Variants in EHMT1 observed in about 807,000 individuals in gnomAD.
EHMT1 encodes the protein euchromatic histone lysine methyltransferase 1.
A neutral mutation model predicts 147.2 loss-of-function variants in EHMT1; 15 were observed. That is an observed-to-expected ratio of 0.10 (90% CI 0.07 to 0.16). The LOEUF (loss-of-function observed/expected upper bound fraction) is 0.16. Among genes scored for constraint, EHMT1 ranks in the 10% least tolerant of loss-of-function variants. The probability of loss-of-function intolerance (pLI) is 1.00; values close to 1 mark genes in which losing one functional copy is unlikely to be tolerated. For missense variants in EHMT1, 1,587 were observed against 1,772.4 expected (o/e 0.90, Z 1.88); for synonymous variants, 795 against 709.6 (o/e 1.12, Z -1.91).
intron 4 of EHMT1, among the ~76,000 whole-genome samples, chr9:137,742,373 A>G (rs1948177176): frequency 6.7e-6 from 1 of 148,178 alleles, no homozygotes; most frequent in Admixed American, 6.8e-5. Flanking sequence ...GCTGGGCTTG[A>G]ACTCCTGGAA....
chr9:137,759,549 A>C (rs1231667413), intron 9 of EHMT1, among the ~76,000 whole-genome samples: 2 of 152,200 alleles, frequency 1.3e-5, no homozygotes, highest in African/African-American at 4.8e-5. Flanking sequence ...ATCAGGGCCA[A>C]AGGGCGAGAG....
chr9:137,689,920 C>T (rs1052206068), intron 1 of EHMT1, among the ~76,000 whole-genome samples: 2 of 152,134 alleles, frequency 1.3e-5, no homozygotes, highest in Admixed American at 6.5e-5. Context: ...GTGGAGTAGA[C>T]GCGTGGAGAT....
At position 137,697,230 on chromosome 9, in the gene EHMT1, G is replaced by A. The variant is rs1015882866; in HGVS notation, c.22-13737G>A. On this transcript the variant is annotated intron_variant, in intron 1 of 26. Transcript: ENST00000460843. Reference sequence around the variant, plus strand: ...TGGGAGGCAGAGGTTGTAGTGAGCCGAGATGGTGCCACTGCACGCCAGCCT... The same window carrying A: ...TGGGAGGCAGAGGTTGTAGTGAGCCAAGATGGTGCCACTGCACGCCAGCCT... The A allele has an allele frequency of 3.8e-5, 10 of 262,510 alleles. No individual in the cohort carries two copies. The East Asian group carries it at 1.1e-3, about 29-fold the overall frequency. The allele number at this position is 262,510 out of a possible 1,614,324, so 16.3% of individuals were successfully genotyped here. A position where few individuals can be genotyped will look rare whatever the true frequency, so the allele number is the denominator to read the frequency against.
intron 26 of EHMT1, 120 bp downstream of exon 26, chr9:137,834,644 A>C: frequency 3.8e-6 from 6 of 1,592,974 alleles, no homozygotes; most frequent in Non-Finnish European, 4.3e-6. Context: ...CTGTAGTTCT[A>C]AAAACTGCGA....
At chr9:137,729,724 C>A (rs538498153) in intron 4 of EHMT1, among the ~76,000 whole-genome samples, 2 of 151,956 alleles carry the variant, frequency 1.3e-5, no homozygotes, top group Non-Finnish European at 2.9e-5. Context: ...CCATGTATTA[C>A]TTTTTTTTCT....
chr9:137,802,767 G>C (rs1012763626), intron 18 of EHMT1: 6 of 1,218,292 alleles, frequency 4.9e-6, no homozygotes, highest in Non-Finnish European at 6.1e-6. Flanking sequence ...CTGAGCTGCA[G>C]TGCCTCCTCC....
chr9:137,830,905 TAGCAA>T (rs1361537000), intron 25 of EHMT1, among the ~76,000 whole-genome samples: 1 of 152,236 alleles, frequency 6.6e-6, no homozygotes, highest in African/African-American at 2.4e-5. Flanking sequence ...CGAGCTGTGA[TAGCAA>T]AACACTGTAA....
intron 3 of EHMT1, among the ~76,000 whole-genome samples, chr9:137,721,561 G>A (rs1429908579): frequency 4.4e-5 from 4 of 90,892 alleles, no homozygotes; most frequent in Admixed American, 1.2e-4. Context: ...CTTCTCCCAC[G>A]CCTCTCATCC....
chr9:137,717,052 C>A lies in EHMT1; in HGVS notation c.512C>A (p.Thr171Lys), dbSNP rs374127714. 2 of 1,606,816 alleles carry A rather than the reference C, an allele frequency of 1.2e-6. No homozygotes were observed. The highest frequency in any genetic ancestry group is 1.7e-6 in the Non-Finnish European group (2 of 1,175,874). The change falls in exon 3 of 27, where the codon ACG becomes AAG. Residue 171 changes from threonine (T) to lysine (K), a missense_variant. This residue lies in a region of EHMT1 where 810 missense variants were observed against 673.0 expected (regional missense o/e 1.20). Coordinates refer to ENST00000460843, the MANE Select transcript of EHMT1 (RefSeq NM_024757.5). Reference protein sequence around the residue: ...KGRTPSAFPQTPAAPPATLGE... With the variant: ...KGRTPSAFPQKPAAPPATLGE... ...AGGACTCCAAGCGCTTTTCCCCAGA[C>A]GCCAGCCGCCCCACCAGCCACCCTT...
intron 3 of EHMT1, among the ~76,000 whole-genome samples, chr9:137,720,207 C>G (rs964613936): frequency 2.6e-5 from 4 of 152,058 alleles, no homozygotes; most frequent in Non-Finnish European, 5.9e-5. Flanking sequence ...GATATGGAAC[C>G]CCCCACACCA....
chr9:137,747,655 G>C (rs891027447), intron 6 of EHMT1: 40 of 152,204 alleles, frequency 2.6e-4, no homozygotes, highest in Admixed American at 2.4e-3. Context: ...ATAAAGTTCA[G>C]TCCGCTTTCT....
chr9:137,833,345 A>T (rs1382077511), intron 25 of EHMT1, among the ~76,000 whole-genome samples: 4 of 152,184 alleles, frequency 2.6e-5, no homozygotes, highest in Non-Finnish European at 5.9e-5. Flanking sequence ...ACCCACCCGC[A>T]GCTCGCCATG....
At chr9:137,768,352 T>TG (rs1189442330) in intron 10 of EHMT1, among the ~76,000 whole-genome samples, 3 of 144,198 alleles carry the variant, frequency 2.1e-5, no homozygotes, top group Non-Finnish European at 4.6e-5. Context: ...TGTGTGTTTT[T>TG]TTTTTTTTTT....
chr9:137,692,097 A>G lies in EHMT1; in HGVS notation c.22-18870A>G, dbSNP rs183923124. Among the ~76,000 whole-genome samples the G allele has an allele frequency of 3.3e-5, 5 of 152,310 alleles. No homozygotes were observed. The East Asian group carries it at 9.6e-4, about 29-fold the overall frequency. On this transcript the variant is annotated intron_variant, in intron 1 of 26. Coordinates refer to ENST00000460843, the MANE Select transcript of EHMT1 (RefSeq NM_024757.5). The stretch of plus-strand genomic sequence containing the variant: ...AAGAATTTGGAAATGGTATAGGATG[A>G]GAATCATACACAACACCAGCCAGTA...
chr9:137,778,192 C>A, intron 13 of EHMT1, 137 bp downstream of exon 13: 2 of 1,223,664 alleles, frequency 1.6e-6, no homozygotes, highest in Non-Finnish European at 2.3e-6. Context: ...CGTATATTTT[C>A]ACACTATTTT....
At chr9:137,762,221 C>T (rs1419308699) in intron 9 of EHMT1, among the ~76,000 whole-genome samples, 1 of 151,386 alleles carries the variant, frequency 6.6e-6, no homozygotes, top group Non-Finnish European at 1.5e-5. Flanking sequence ...GAGTGAGATT[C>T]TAGATAATAG....
chr9:137,694,765 G>A (rs993516779), intron 1 of EHMT1, among the ~76,000 whole-genome samples: 2 of 152,204 alleles, frequency 1.3e-5, no homozygotes, highest in African/African-American at 4.8e-5. Context: ...GTGATCAGGC[G>A]CGAGGCCTCG....
At chr9:137,803,373 GC>G in intron 18 of EHMT1, 1 of 889,384 alleles carries the variant, frequency 1.1e-6, no homozygotes, top group Non-Finnish European at 1.3e-6. Context: ...GCGCTTCACA[GC>G]CATGCCCAGC....
intron 14 of EHMT1, among the ~76,000 whole-genome samples, chr9:137,781,603 C>G (rs887644057): frequency 2.1e-4 from 32 of 152,206 alleles, no homozygotes; most frequent in Admixed American, 3.9e-4. Flanking sequence ...CATTAGATTT[C>G]TAATACGCAA....
Sources: allele counts gnomAD v4.1 joint callset (sites outside exome capture counted in the v4.1 genomes callset), GRCh38; gene constraint gnomAD v4.1.1; regional missense constraint gnomAD v4.1.1; transcripts MANE v1.5; gene names NCBI Gene and HGNC (gene_info 2026-07-23, HGNC 2026-07-21).